Variants in ENTREP2 observed in about 807,000 individuals in gnomAD.
The protein encoded by ENTREP2 is endosomal transmembrane epsin interactor 2.
chr15:29,160,223 TACC>T, the ENTREP2 span, among the ~76,000 whole-genome samples: 1 of 152,230 alleles, frequency 6.6e-6, no homozygotes, highest in South Asian at 2.1e-4. Flanking sequence ...GGCCTGCAAG[TACC>T]ACGCGCAGCC....
chr15:29,258,873 G>C, the ENTREP2 span, among the ~76,000 whole-genome samples: 1 of 152,164 alleles, frequency 6.6e-6, no homozygotes, highest in Non-Finnish European at 1.5e-5. Context: ...TTCACTTATA[G>C]CATAATGTCT....
the ENTREP2 span, among the ~76,000 whole-genome samples, chr15:29,131,037 C>T: frequency 6.6e-6 from 1 of 152,054 alleles, no homozygotes; most frequent in Non-Finnish European, 1.5e-5. Context: ...GAACAGTCAT[C>T]GTAACTGGAA....
At chr15:29,334,590 G>C in the ENTREP2 span, among the ~76,000 whole-genome samples, 1 of 151,842 alleles carries the variant, frequency 6.6e-6, no homozygotes, top group Non-Finnish European at 1.5e-5. Context: ...TTGACTGAGC[G>C]TATTAAAATA....
the ENTREP2 span, among the ~76,000 whole-genome samples, chr15:29,298,811 T>G: frequency 6.6e-6 from 1 of 152,200 alleles, no homozygotes; most frequent in Non-Finnish European, 1.5e-5. Context: ...CTACCAGTCT[T>G]ACATGAACTC....
chr15:29,207,117 A>G, the ENTREP2 span, among the ~76,000 whole-genome samples: 1 of 152,100 alleles, frequency 6.6e-6, no homozygotes, highest in Non-Finnish European at 1.5e-5. Flanking sequence ...CTTACTCCAG[A>G]GCATCAAGGA....
chr15:29,661,007 G>GT, the ENTREP2 span, among the ~76,000 whole-genome samples: 1 of 152,130 alleles, frequency 6.6e-6, no homozygotes, highest in Non-Finnish European at 1.5e-5. Flanking sequence ...TATAATTATT[G>GT]TAAAGCATTA....
chr15:29,191,705 G>A, the ENTREP2 span, among the ~76,000 whole-genome samples: 1 of 152,184 alleles, frequency 6.6e-6, no homozygotes, highest in Non-Finnish European at 1.5e-5. Context: ...GATCACTTGA[G>A]CCCAGGAGTT....
the ENTREP2 span, among the ~76,000 whole-genome samples, chr15:29,318,165 G>C: frequency 5.9e-5 from 9 of 152,206 alleles, no homozygotes; most frequent in South Asian, 2.1e-4. Context: ...GCACTGCACA[G>C]ATACTGCGTT....
At chr15:29,347,300 C>T in the ENTREP2 span, among the ~76,000 whole-genome samples, 1 of 152,108 alleles carries the variant, frequency 6.6e-6, no homozygotes, top group Admixed American at 6.6e-5. Flanking sequence ...ATAGCTGGGA[C>T]TATAGGCCCA....
the ENTREP2 span, among the ~76,000 whole-genome samples, chr15:29,428,319 T>G: frequency 6.6e-6 from 1 of 152,162 alleles, no homozygotes; most frequent in Non-Finnish European, 1.5e-5. Context: ...GTTCAAGCGA[T>G]TCTCCTGCTT....
the ENTREP2 span, among the ~76,000 whole-genome samples, chr15:29,298,599 T>C: frequency 1.3e-5 from 2 of 152,044 alleles, no homozygotes; most frequent in Non-Finnish European, 2.9e-5. Context: ...AGGAATACAT[T>C]TGAAAATTTA....
chr15:29,542,867 C>A, the ENTREP2 span, among the ~76,000 whole-genome samples: 1 of 152,182 alleles, frequency 6.6e-6, no homozygotes, highest in Non-Finnish European at 1.5e-5. Context: ...AGCATAATAT[C>A]TTCAAAGTCT....
the ENTREP2 span, among the ~76,000 whole-genome samples, chr15:29,553,137 A>T: frequency 6.6e-6 from 1 of 152,206 alleles, no homozygotes; most frequent in Non-Finnish European, 1.5e-5. Flanking sequence ...CTCTACTAAA[A>T]ATACAAAAAT....
At chr15:29,147,366 G>A in the ENTREP2 span, among the ~76,000 whole-genome samples, 2 of 152,102 alleles carry the variant, frequency 1.3e-5, no homozygotes, top group Admixed American at 6.6e-5. Context: ...CCACTACGAT[G>A]GTTATAATTA....
the ENTREP2 span, among the ~76,000 whole-genome samples, chr15:29,659,427 C>T: frequency 1.8e-4 from 27 of 152,062 alleles, no homozygotes; most frequent in African/African-American, 5.6e-4. Flanking sequence ...GCCGAGATCA[C>T]GCCATTGCCC....
chr15:29,451,784 C>A, the ENTREP2 span, among the ~76,000 whole-genome samples: 1 of 152,218 alleles, frequency 6.6e-6, no homozygotes, highest in African/African-American at 2.4e-5. Context: ...AGGGGCCCCA[C>A]CCCCCTGCAA....
the ENTREP2 span, among the ~76,000 whole-genome samples, chr15:29,141,927 A>G: frequency 6.6e-6 from 1 of 152,194 alleles, no homozygotes; most frequent in Non-Finnish European, 1.5e-5. Flanking sequence ...GCCTTACTGC[A>G]CAGGGTGAGG....
the ENTREP2 span, among the ~76,000 whole-genome samples, chr15:29,287,817 C>T: frequency 2.6e-4 from 40 of 152,108 alleles, no homozygotes; most frequent in South Asian, 2.1e-4. Flanking sequence ...GTCTGAACAA[C>T]AAAATGCTGA....
the ENTREP2 span, among the ~76,000 whole-genome samples, chr15:29,224,393 G>A: frequency 7.9e-4 from 121 of 152,202 alleles, no homozygotes; most frequent in Middle Eastern, 3.4e-3. Flanking sequence ...AGGGAACTGC[G>A]CCGGGTTGCC....
Sources: gnomAD v4.1 joint callset for allele counts (sites outside exome capture counted in the v4.1 genomes callset) on GRCh38, gnomAD v4.1.1 for gene constraint, MANE v1.5 for transcripts, NCBI Gene and HGNC (gene_info 2026-07-23, HGNC 2026-07-21) for gene names.